Variants in FRMD4A observed in about 807,000 individuals in gnomAD.
FRMD4A encodes FERM domain containing 4A.
Under a neutral mutation model 129.1 loss-of-function variants are expected in FRMD4A, and 29 were observed. The observed-to-expected ratio is 0.22, with a 90% CI of 0.17 to 0.31. FRMD4A has a LOEUF of 0.31. FRMD4A is among the 10% of genes least tolerant of loss of function. The pLI, the probability that FRMD4A is intolerant of heterozygous loss-of-function variation, is 1.00. For synonymous variants in FRMD4A, 634 were observed against 571.6 expected (o/e 1.11, Z -1.56); for missense variants, 1,272 against 1,375.8 (o/e 0.92, Z 1.19).
At chr10:13,670,978 A>C (rs1185953685) in intron 16 of FRMD4A, among the ~76,000 whole-genome samples, 1 of 152,164 alleles carries the variant, frequency 6.6e-6, no homozygotes, top group African/African-American at 2.4e-5. Context: ...TCCTGCTCAA[A>C]TATCTAAGTT....
intron 2 of FRMD4A, among the ~76,000 whole-genome samples, chr10:14,117,189 C>G (rs973017148): frequency 3.1e-4 from 47 of 152,296 alleles, no homozygotes; most frequent in African/African-American, 1.0e-3. Flanking sequence ...CTTGGAGGAC[C>G]CAGACTAACA....
intron 2 of FRMD4A, among the ~76,000 whole-genome samples, chr10:13,900,170 C>T (rs10906535): frequency 0.26 from 39,982 of 152,064 alleles, 5,832 homozygotes; most frequent in African/African-American, 0.39. Context: ...GGGATAATTC[C>T]GTCTCCTGTC....
chr10:14,166,127 AT>A (rs1841162443), intron 2 of FRMD4A, among the ~76,000 whole-genome samples: 1 of 150,938 alleles, frequency 6.6e-6, no homozygotes, highest in Non-Finnish European at 1.5e-5. Flanking sequence ...ACAATATTTT[AT>A]TAACATACTA....
chr10:13,654,832 G>T (rs529099252), intron 22 of FRMD4A: 5 of 398,030 alleles, frequency 1.3e-5, no homozygotes, highest in Admixed American at 4.1e-5. Context: ...GGATGGTGAC[G>T]GTTTCTACAG....
At chr10:14,141,498 A>G (rs1194998828) in intron 2 of FRMD4A, among the ~76,000 whole-genome samples, 1 of 151,736 alleles carries the variant, frequency 6.6e-6, no homozygotes, top group Non-Finnish European at 1.5e-5. Flanking sequence ...ATCATGTGAC[A>G]CTCTCGCCCC....
At chr10:14,118,291 G>A (rs1838305370) in intron 2 of FRMD4A, among the ~76,000 whole-genome samples, 1 of 152,152 alleles carries the variant, frequency 6.6e-6, no homozygotes, top group Non-Finnish European at 1.5e-5. Flanking sequence ...AGGTGAGAGA[G>A]AGCCGTTCTT....
At chr10:14,201,897 G>C (rs1412546631) in intron 2 of FRMD4A, among the ~76,000 whole-genome samples, 1 of 152,190 alleles carries the variant, frequency 6.6e-6, no homozygotes, top group African/African-American at 2.4e-5. Context: ...TTGGGAGGCT[G>C]AGGCGGCTGG....
chr10:14,268,788 G>C (rs1182621068), intron 2 of FRMD4A, among the ~76,000 whole-genome samples: 2 of 151,592 alleles, frequency 1.3e-5, no homozygotes, highest in African/African-American at 4.8e-5. Context: ...AGCCAATAGA[G>C]ATAAGTCAGC....
intron 2 of FRMD4A, among the ~76,000 whole-genome samples, chr10:14,098,368 G>A (rs1837111504): frequency 1.3e-5 from 2 of 150,716 alleles, no homozygotes; most frequent in Non-Finnish European, 2.9e-5. Context: ...ACTGATAAAG[G>A]AAATACTTCT....
chr10:14,124,653 G>C (rs1036823306), intron 2 of FRMD4A, among the ~76,000 whole-genome samples: 5 of 152,150 alleles, frequency 3.3e-5, no homozygotes, highest in Non-Finnish European at 4.4e-5. Flanking sequence ...TCCAGCCTGG[G>C]TGACAGGGCA....
chr10:14,287,853 G>C (rs566814105), intron 2 of FRMD4A, among the ~76,000 whole-genome samples: 1 of 152,182 alleles, frequency 6.6e-6, no homozygotes, highest in South Asian at 2.1e-4. Flanking sequence ...ACAAGTGCCA[G>C]TTTTGAGATA....
intron 2 of FRMD4A, among the ~76,000 whole-genome samples, chr10:14,163,873 G>A (rs1476795919): frequency 6.6e-6 from 1 of 152,214 alleles, no homozygotes; most frequent in Admixed American, 6.5e-5. Context: ...ATTCCAGCGT[G>A]AGGTCACTGG....
intron 2 of FRMD4A, among the ~76,000 whole-genome samples, chr10:13,939,057 A>G (rs925070466): frequency 6.6e-6 from 1 of 152,236 alleles, no homozygotes; most frequent in African/African-American, 2.4e-5. Context: ...TCTGGTCTGA[A>G]AAGTCAATAG....
chr10:13,725,774 C>T (rs550596363), intron 12 of FRMD4A, among the ~76,000 whole-genome samples: 3 of 152,292 alleles, frequency 2.0e-5, no homozygotes, highest in South Asian at 2.1e-4. Flanking sequence ...GTTTGCTTTT[C>T]GAGGCCATCC....
At chr10:13,881,112 C>G (rs925605543) in intron 2 of FRMD4A, among the ~76,000 whole-genome samples, 6 of 152,010 alleles carry the variant, frequency 3.9e-5, no homozygotes, top group African/African-American at 1.4e-4. Flanking sequence ...GCCAGGGTAG[C>G]ATTTTTTATA....
At chr10:14,249,726 C>T (rs952922894) in intron 2 of FRMD4A, among the ~76,000 whole-genome samples, 1 of 152,146 alleles carries the variant, frequency 6.6e-6, no homozygotes, top group Non-Finnish European at 1.5e-5. Flanking sequence ...AACTTGGAAA[C>T]AAAGTAAACG....
chr10:14,233,472 T>C (rs1174071484), intron 2 of FRMD4A, among the ~76,000 whole-genome samples: 2 of 151,846 alleles, frequency 1.3e-5, no homozygotes, highest in Admixed American at 6.6e-5. Context: ...TACTCAGGAG[T>C]CTGAGGCAGG....
At chr10:14,299,167 C>A (rs1846104109) in intron 2 of FRMD4A, among the ~76,000 whole-genome samples, 1 of 152,168 alleles carries the variant, frequency 6.6e-6, no homozygotes, top group Non-Finnish European at 1.5e-5. Context: ...TGACAAGATT[C>A]CTGAGCTAAG....
chr10:14,146,528 C>T (rs918984750), intron 2 of FRMD4A, among the ~76,000 whole-genome samples: 9 of 152,256 alleles, frequency 5.9e-5, no homozygotes, highest in East Asian at 3.9e-4. Context: ...TGGCTATTAT[C>T]GATAACCAAC....
Sources: allele counts gnomAD v4.1 joint callset (sites outside exome capture counted in the v4.1 genomes callset), GRCh38; gene constraint gnomAD v4.1.1; transcripts MANE v1.5; gene names NCBI Gene and HGNC (gene_info 2026-07-23, HGNC 2026-07-21).